TPH2: variants seen among roughly 807,000 people sequenced by gnomAD.
TPH2 encodes tryptophan hydroxylase 2.
A neutral mutation model predicts 59.1 loss-of-function variants in TPH2; 27 were observed. The observed-to-expected ratio is 0.46, with a 90% CI of 0.34 to 0.63. The LOEUF (loss-of-function observed/expected upper bound fraction) is 0.63. Ranked by LOEUF, TPH2 falls within the 30% of genes least tolerant of loss-of-function variation. TPH2 has a pLI of 0.01. For synonymous variants in TPH2, 220 were observed against 210.5 expected (o/e 1.05, Z -0.39); for missense variants, 523 against 588.3 (o/e 0.89, Z 1.15).
intron 8 of TPH2, among the ~76,000 whole-genome samples, chr12:71,997,662 C>T (rs1872727180): frequency 6.6e-6 from 1 of 152,040 alleles, no homozygotes; most frequent in African/African-American, 2.4e-5. Flanking sequence ...TTTTATTGTC[C>T]TTTCCCTGAA....
At chr12:71,981,553 C>A (rs1456815227) in intron 7 of TPH2, among the ~76,000 whole-genome samples, 1 of 152,092 alleles carries the variant, frequency 6.6e-6, no homozygotes, top group South Asian at 2.1e-4. Flanking sequence ...TATTTAATGC[C>A]CTCTTAACAC....
chr12:72,010,655 A>T (rs1873077525), intron 8 of TPH2, among the ~76,000 whole-genome samples: 1 of 152,188 alleles, frequency 6.6e-6, no homozygotes, highest in Non-Finnish European at 1.5e-5. Flanking sequence ...GAGAAAGTGC[A>T]AGCTCCTTAG....
chr12:72,027,263 T>C (rs1026760585), intron 9 of TPH2, among the ~76,000 whole-genome samples: 1 of 152,100 alleles, frequency 6.6e-6, no homozygotes, highest in Non-Finnish European at 1.5e-5. Context: ...TCTCTACGGG[T>C]TTCAGACCCC....
At position 71,962,583 on chromosome 12, in the gene TPH2, A is replaced by C. The variant is rs115785658; in HGVS notation, c.609-9936A>C. The C allele has an allele frequency of 2.4e-3, 2,343 of 985,248 alleles. 50 individuals are homozygous for C. The African/African-American group carries it at 0.038, about 16-fold the overall frequency. The allele number at this position is 985,248 out of a possible 1,614,324, so 61.0% of individuals were successfully genotyped here. Reference sequence around the variant, plus strand: ...CCTGAATCTTTGCTTTTTGCATAGTAATTGAAATATATGAGGCAAGACAAA... The same window carrying C: ...CCTGAATCTTTGCTTTTTGCATAGTCATTGAAATATATGAGGCAAGACAAA... On this transcript the variant is annotated intron_variant, in intron 5 of 10. Coordinates refer to ENST00000333850, the MANE Select transcript of TPH2 (RefSeq NM_173353.4).
chr12:72,017,295 A>G (rs906474235), intron 8 of TPH2, among the ~76,000 whole-genome samples: 6 of 151,910 alleles, frequency 3.9e-5, no homozygotes, highest in East Asian at 1.9e-4. Flanking sequence ...TCCTAAGCAC[A>G]CTCACTGCAG....
rs557257372 is a variant in TPH2 at position 72,008,326 on chromosome 12, G to A, written c.1068+13761G>A. ...CTCCTTAGATTGAGATTCAGAAACC[G>A]TTGACCTGTAATTAAGCCCATGCTT... is the stretch of plus-strand genomic sequence containing the variant. On this transcript the variant is annotated intron_variant, in intron 8 of 10. Coordinates refer to ENST00000333850, the MANE Select transcript of TPH2 (RefSeq NM_173353.4). Among the ~76,000 whole-genome samples, 6 of 152,294 alleles carry A rather than the reference G, an allele frequency of 3.9e-5. No homozygotes were observed. In the South Asian group the frequency reaches 1.0e-3, roughly 26 times the overall value.
intron 4 of TPH2, among the ~76,000 whole-genome samples, chr12:71,947,864 T>C (rs576784348): frequency 7.2e-5 from 11 of 152,290 alleles, no homozygotes; most frequent in African/African-American, 2.6e-4. Flanking sequence ...AGAGAGGCAG[T>C]TGAGATTCTT....
At chr12:71,961,891 TA>T in intron 5 of TPH2, 1 of 1,099,806 alleles carries the variant, frequency 9.1e-7, no homozygotes, top group South Asian at 2.5e-5. Context: ...ACGTCTCTTG[TA>T]AAGGCAGCAC....
chr12:72,025,763 T>C (rs550405008), intron 9 of TPH2, among the ~76,000 whole-genome samples: 28 of 152,332 alleles, frequency 1.8e-4, no homozygotes, highest in Non-Finnish European at 4.1e-4. Context: ...CCTGGAACAC[T>C]GACTTTAAAG....
chr12:71,986,630 C>CTTT (rs36018735), intron 7 of TPH2, among the ~76,000 whole-genome samples: 25,809 of 131,190 alleles, frequency 0.2, 3,056 homozygotes, highest in East Asian at 0.35. Context: ...AGCCACCCTT[C>CTTT]TTTTTTTTTT....
chr12:71,949,714 T>C, intron 5 of TPH2, 59 bp downstream of exon 5: 1 of 1,430,762 alleles, frequency 7.0e-7, no homozygotes, highest in Non-Finnish European at 9.9e-7. Context: ...ACATGCTGTG[T>C]TAAACAAACC....
At chr12:71,969,952 T>A (rs2139201693) in intron 5 of TPH2, among the ~76,000 whole-genome samples, 1 of 152,332 alleles carries the variant, frequency 6.6e-6, no homozygotes, top group Non-Finnish European at 1.5e-5. Context: ...AATGGGCCAA[T>A]TCATATAAAA....
At chr12:72,016,026 A>G (rs1048976899) in intron 8 of TPH2, among the ~76,000 whole-genome samples, 1 of 152,210 alleles carries the variant, frequency 6.6e-6, no homozygotes, top group Non-Finnish European at 1.5e-5. Flanking sequence ...CTGATAAGAA[A>G]AGAATGCTGG....
intron 5 of TPH2, among the ~76,000 whole-genome samples, chr12:71,970,780 A>G (rs1871950523): frequency 6.6e-6 from 1 of 152,234 alleles, no homozygotes; most frequent in Non-Finnish European, 1.5e-5. Flanking sequence ...GCCAGGTTGT[A>G]ATTTTTTATT....
At chr12:71,961,263 G>A (rs1293384607) in intron 5 of TPH2, among the ~76,000 whole-genome samples, 1 of 152,106 alleles carries the variant, frequency 6.6e-6, no homozygotes, top group Non-Finnish European at 1.5e-5. Context: ...AGTTAAGTGA[G>A]GACATGAATA....
At chr12:71,945,388 T>TAA (rs1871172422) in intron 4 of TPH2, among the ~76,000 whole-genome samples, 1 of 152,140 alleles carries the variant, frequency 6.6e-6, no homozygotes, top group Non-Finnish European at 1.5e-5. Flanking sequence ...CAGTTAATAG[T>TAA]CTGGGAGAAG....
At chr12:71,961,405 T>G in intron 5 of TPH2, 170 of 579,600 alleles carry the variant, frequency 2.9e-4, no homozygotes, top group Non-Finnish European at 4.1e-4. Context: ...CACAAGACCA[T>G]GAGCTGTAGG....
chr12:71,944,045 A>G (rs1399614254), intron 2 of TPH2, among the ~76,000 whole-genome samples: 2 of 152,054 alleles, frequency 1.3e-5, no homozygotes, highest in African/African-American at 2.4e-5. Context: ...GGGCCACTTT[A>G]TATTTTAAAT....
At chr12:71,978,460 A>G (rs1470755503) in intron 6 of TPH2, among the ~76,000 whole-genome samples, 1 of 152,214 alleles carries the variant, frequency 6.6e-6, no homozygotes, top group Non-Finnish European at 1.5e-5. Context: ...CACAGAAAAC[A>G]ATATAGAGTG....
Sources: allele counts gnomAD v4.1 joint callset (sites outside exome capture counted in the v4.1 genomes callset), GRCh38; gene constraint gnomAD v4.1.1; transcripts MANE v1.5; gene names NCBI Gene and HGNC (gene_info 2026-07-23, HGNC 2026-07-21).